The following MAST1 variants were observed in gnomAD, a reference collection of about 807,000 sequenced individuals.
The protein encoded by MAST1 is microtubule-associated serine/threonine-protein kinase 1.
In MAST1, 40 loss-of-function variants were observed where a neutral mutation model predicts 124.6. The observed-to-expected ratio is 0.32, with a 90% confidence interval of 0.25 to 0.42. The LOEUF (loss-of-function observed/expected upper bound fraction) is 0.42, where lower values mean the gene tolerates loss of function less well. Among genes scored for constraint, MAST1 ranks in the 10% least tolerant of loss-of-function variants. MAST1 has a pLI of 1.00. For missense variants in MAST1, 1,558 were observed against 2,181.9 expected (o/e 0.71, Z 5.70); for synonymous variants, 938 against 939.4 (o/e 1.00, Z 0.03).
chr19:12,867,452 T>TG, intron 18 of MAST1, 22 bp from the exon 19 acceptor site: 1 of 1,611,868 alleles, frequency 6.2e-7, no homozygotes, highest in Non-Finnish European at 8.5e-7. Flanking sequence ...GGGCTGGACT[T>TG]GCCTCCCACC....
rs1675483118 is a variant in MAST1, at chr19:12,852,210, C to T, written c.972C>T (p.Ile324=). The T allele has an allele frequency of 1.9e-6, 3 of 1,613,988 alleles. No individual in the cohort carries two copies. Among genetic ancestry groups the T allele is most frequent in the African/African-American group, 1.3e-5 (1 of 74,958 alleles). The change falls in exon 9 of 26, where the codon ATC becomes ATT. Residue 324 remains isoleucine, a synonymous_variant. Coordinates refer to ENST00000251472, the MANE Select transcript of MAST1 (RefSeq NM_014975.3). ...TGAAGACGGACATCCCCCGCTACAT[C>T]ATCCGCCAGCTGGGCCTCACCCGTG... ...HLVKTDIPRY[I]IRQLGLTRDP... is the part of the protein sequence containing the mutation.
chr19:12,864,731 T>G, intron 12 of MAST1, 78 bp from the exon 13 acceptor site: 1,591 of 1,556,584 alleles, frequency 1.0e-3, no homozygotes, highest in Non-Finnish European at 1.3e-3. Context: ...CAACATAACA[T>G]GAGAAGTTGG....
chr19:12,864,743 G>T, intron 12 of MAST1, 66 bp from the exon 13 acceptor site: 2 of 1,594,316 alleles, frequency 1.3e-6, no homozygotes. Flanking sequence ...AGAAGTTGGT[G>T]CTATGGTGCA....
intron 8 of MAST1, 26 bp downstream of exon 8, chr19:12,852,061 G>T (rs573862959): frequency 1.2e-6 from 2 of 1,613,892 alleles, no homozygotes; most frequent in Admixed American, 3.3e-5. Flanking sequence ...ATGGGTAGGG[G>T]TGGGTTGGTA....
chr19:12,846,647 C>G (rs1969897420), intron 4 of MAST1, among the ~76,000 whole-genome samples: 2 of 151,846 alleles, frequency 1.3e-5, no homozygotes, highest in African/African-American at 4.8e-5. Flanking sequence ...GAGGCAGAGG[C>G]AGGTGGATCA....
chr19:12,848,463 C>T (rs1002694283), intron 7 of MAST1: 1 of 180,722 alleles, frequency 5.5e-6, no homozygotes, highest in African/African-American at 2.4e-5. Context: ...ACTAAAAACA[C>T]ACACACACAC....
At chr19:12,868,570 C>A (rs561632841) in intron 20 of MAST1, 73 bp from the exon 21 acceptor site, 1 of 1,351,594 alleles carries the variant, frequency 7.4e-7, no homozygotes. Flanking sequence ...AAAGAGCATT[C>A]CAGGCAGGGA....
rs139913414 is a variant in MAST1 at position 12,858,391 on chromosome 19, G to A, written c.1107G>A (p.Pro369=). Residue 369 remains proline (P), a synonymous_variant, in exon 11 of 26, where the codon CCG becomes CCA. Coordinates refer to ENST00000251472, the MANE Select transcript of MAST1 (RefSeq NM_014975.3). ...EGRSSKAKKP[P]GENDFDTIKL... is the part of the protein sequence containing the mutation. Reference sequence around the variant, plus strand: ...GCAGCAGCAAGGCCAAGAAACCGCCGGGGGAGAATGACTTCGATACCATCA... The same window carrying A: ...GCAGCAGCAAGGCCAAGAAACCGCCAGGGGAGAATGACTTCGATACCATCA... 3.9e-5 allele frequency: 63 copies of A among 1,613,846 alleles called. No homozygotes were observed. The highest frequency in any genetic ancestry group is 4.5e-5 in the Non-Finnish European group (53 of 1,179,970).
chr19:12,864,625 G>A (rs901335233), intron 12 of MAST1, among the ~76,000 whole-genome samples, 184 bp from the exon 13 acceptor site: 2 of 152,128 alleles, frequency 1.3e-5, no homozygotes, highest in African/African-American at 2.4e-5. Context: ...ACCAACTTTG[G>A]AGGATGGCTA....
intron 10 of MAST1, 130 bp downstream of exon 10, chr19:12,852,525 C>A: frequency 1.2e-6 from 1 of 853,408 alleles, no homozygotes; most frequent in Non-Finnish European, 1.9e-6. Context: ...GTTTTCCCAT[C>A]CATAAAATGG....
At chr19:12,850,175 A>T (rs1447386943) in intron 7 of MAST1, among the ~76,000 whole-genome samples, 1 of 152,202 alleles carries the variant, frequency 6.6e-6, no homozygotes, top group East Asian at 1.9e-4. Context: ...AAATAAAACA[A>T]AAATTCTTGT....
chr19:12,852,625 G>C (rs946085732), intron 10 of MAST1, among the ~76,000 whole-genome samples: 22 of 151,528 alleles, frequency 1.5e-4, no homozygotes, highest in Non-Finnish European at 1.5e-5. Context: ...GATCACCTGA[G>C]GTCGGGAGTT....
In MAST1 at chr19:12,866,252, A is replaced by C; in HGVS notation, c.2029+150A>C. On this transcript the variant is annotated intron_variant, in intron 17 of 25. Transcript: ENST00000251472. The surrounding 1 kb of genome is among the most constrained non-coding windows in gnomAD (Gnocchi z 5.2). ...TGGTATTTTGGTGGGGGCGGGGCCA[A>C]GTGGGGCGGGGCTGACATACAGGCG... is the stretch of plus-strand genomic sequence containing the variant. 2 of 216,924 alleles carry C rather than the reference A, an allele frequency of 9.2e-6. No individual in the cohort carries two copies. The highest frequency in any genetic ancestry group is 1.6e-5 in the Non-Finnish European group (2 of 123,916). The allele number at this position is 216,924 out of a possible 1,614,324, so 13.4% of individuals were successfully genotyped here.
At chr19:12,858,833 T>C (rs762664001) in intron 12 of MAST1, 94 bp downstream of exon 12, 2 of 1,177,042 alleles carry the variant, frequency 1.7e-6, no homozygotes, top group South Asian at 2.5e-5. Context: ...TCCATATTGA[T>C]TAGTCGGCCT....
At chr19:12,853,640 G>A (rs922135025) in intron 10 of MAST1, among the ~76,000 whole-genome samples, 1 of 152,042 alleles carries the variant, frequency 6.6e-6, no homozygotes, top group East Asian at 1.9e-4. Flanking sequence ...GGCCAAGATG[G>A]GTGGATCACT....
Position 12,841,082 on chromosome 19 carries a change from C to T in MAST1, c.248+16C>T. The T allele has an allele frequency of 7.3e-7, 1 of 1,372,482 alleles. No individual in the cohort carries two copies. Among genetic ancestry groups the T allele is most frequent in the Non-Finnish European group, 1.0e-6 (1 of 960,436 alleles). The allele number at this position is 1,372,482 out of a possible 1,614,324, so 85.0% of individuals were successfully genotyped here. Reference sequence around the variant, plus strand: ...CCTCCCGAAGGTGAGTCCCTCCCCTCCAGGGCCCCAGAACCCTGGGCAGAC... The same window carrying T: ...CCTCCCGAAGGTGAGTCCCTCCCCTTCAGGGCCCCAGAACCCTGGGCAGAC... On this transcript the variant is annotated intron_variant, in intron 3 of 25. Transcript: ENST00000251472. The surrounding 1 kb of genome is among the most constrained non-coding windows in gnomAD (Gnocchi z 4.3).
At position 12,847,851 on chromosome 19, in the gene MAST1, A is replaced by G. The variant is rs368097825; in HGVS notation, c.568A>G (p.Thr190Ala). Residue 190 changes from threonine to alanine, a missense_variant, in exon 7 of 26, where the codon ACT (threonine) becomes GCT (alanine). By Grantham distance (58) the Thr-to-Ala change is moderately conservative. Coordinates refer to ENST00000251472, the MANE Select transcript of MAST1 (RefSeq NM_014975.3). This position sits in a 1 kb window ranked among gnomAD's most constrained non-coding sequence, Gnocchi z 5.5. ...CCCTCCTCCGTCCCTCCCGCAGGCC[A>G]CTGCGCAGATGGAGGAGAAGCTGCG... ...HVYKERFPKA[T>A]AQMEEKLRDF... 1.9e-6 allele frequency: 3 copies of G among 1,608,856 alleles called. No homozygotes were observed. Among genetic ancestry groups the G allele is most frequent in the African/African-American group, 1.3e-5 (1 of 74,778 alleles).
intron 10 of MAST1, among the ~76,000 whole-genome samples, chr19:12,852,849 A>AAAAATAAAAT (rs561793669): frequency 1.3e-5 from 2 of 151,542 alleles, no homozygotes; most frequent in South Asian, 2.1e-4. Context: ...AACTGTCTCA[A>AAAAATAAAAT]AAAATAAAAT....
At chr19:12,870,980 G>A (rs762126326) in intron 23 of MAST1, 34 bp downstream of exon 23, 1 of 1,613,632 alleles carries the variant, frequency 6.2e-7, no homozygotes, top group Non-Finnish European at 8.5e-7. Context: ...CTGGGCGGAG[G>A]GTGGGGGAGG....
Sources: allele counts gnomAD v4.1 joint callset (sites outside exome capture counted in the v4.1 genomes callset), GRCh38; gene constraint gnomAD v4.1.1; non-coding constraint Gnocchi (gnomAD v3.1); transcripts MANE v1.5; gene names NCBI Gene and HGNC (gene_info 2026-07-23, HGNC 2026-07-21).